The following NTM variants were observed in gnomAD, a reference collection of about 807,000 sequenced individuals.
The protein encoded by NTM is IgLON family member 2.
In NTM, 13 loss-of-function variants were observed where a neutral mutation model predicts 42.1. That is an observed-to-expected ratio of 0.31 (90% CI 0.20 to 0.49). The LOEUF (loss-of-function observed/expected upper bound fraction) is 0.49, where lower values mean the gene tolerates loss of function less well. Ranked by LOEUF, NTM falls within the 20% of genes least tolerant of loss-of-function variation. The pLI, the probability that NTM is intolerant of heterozygous loss-of-function variation, is 0.99. For synonymous variants in NTM, 187 were observed against 179.2 expected, an observed-to-expected ratio of 1.04 and a Z score of -0.35; for missense variants, 373 against 452.8, an observed-to-expected ratio of 0.82 and a Z score of 1.60.
intron 1 of NTM, among the ~76,000 whole-genome samples, chr11:131,583,360 A>T (rs149763785): frequency 6.6e-6 from 1 of 152,356 alleles, no homozygotes; most frequent in East Asian, 1.9e-4. Context: ...CTCTTGTGGC[A>T]AATAGATATT....
At chr11:132,303,756 T>C (rs1591859407) in intron 4 of NTM, among the ~76,000 whole-genome samples, 1 of 150,854 alleles carries the variant, frequency 6.6e-6, no homozygotes, top group Admixed American at 6.6e-5. Flanking sequence ...CAAATCATCA[T>C]GTTGGTCCAG....
intron 4 of NTM, among the ~76,000 whole-genome samples, chr11:132,249,810 G>GT (rs2091717507): frequency 6.6e-6 from 1 of 152,132 alleles, no homozygotes; most frequent in Admixed American, 6.5e-5. Flanking sequence ...TTTAATCAAT[G>GT]TTTTTACCTT....
chr11:131,577,561 G>A (rs550983693), intron 1 of NTM, among the ~76,000 whole-genome samples: 2 of 152,276 alleles, frequency 1.3e-5, no homozygotes, highest in East Asian at 1.9e-4. Flanking sequence ...ACTTTTTCAA[G>A]AAGGATCTAA....
chr11:132,124,899 G>A (rs2065421887), intron 2 of NTM, among the ~76,000 whole-genome samples: 1 of 152,170 alleles, frequency 6.6e-6, no homozygotes. Flanking sequence ...TGTAGCTAGC[G>A]CCAGTTGTCT....
chr11:132,012,594 G>A lies in NTM; in HGVS notation c.167+100946G>A, dbSNP rs137964227. 3.7e-3 allele frequency among the ~76,000 whole-genome samples: 564 copies of A among 152,208 alleles called. 4 individuals are homozygous for A. Among genetic ancestry groups the A allele is most frequent in the South Asian group, 0.023 (113 of 4,812 alleles). On this transcript the variant is annotated intron_variant, in intron 2 of 8. Transcript: ENST00000683400. Reference sequence around the variant, plus strand: ...TAAGGGATTCCTTAATTGTTAAAGCGCATACAGGACCTTATTTGCCAAAAA... The same window carrying A: ...TAAGGGATTCCTTAATTGTTAAAGCACATACAGGACCTTATTTGCCAAAAA...
intron 2 of NTM, among the ~76,000 whole-genome samples, chr11:132,122,940 G>T (rs1038642501): frequency 1.3e-5 from 2 of 152,072 alleles, no homozygotes; most frequent in Non-Finnish European, 2.9e-5. Flanking sequence ...GAAACAAAAA[G>T]AGCAAGGGAG....
At chr11:132,310,421 C>T (rs2095246002) in intron 6 of NTM, among the ~76,000 whole-genome samples, 189 bp downstream of exon 6, 1 of 152,108 alleles carries the variant, frequency 6.6e-6, no homozygotes, top group Non-Finnish European at 1.5e-5. Flanking sequence ...TTTAATGTCA[C>T]CATGTAGAAT....
intron 1 of NTM, among the ~76,000 whole-genome samples, chr11:131,674,799 A>G (rs2071072626): frequency 6.6e-6 from 1 of 152,170 alleles, no homozygotes; most frequent in Admixed American, 6.5e-5. Flanking sequence ...CGCGGGATAT[A>G]GGTTATCAGG....
rs1188458436 is a variant in NTM at position 132,322,710 on chromosome 11, A to G, written c.935-7443A>G. The stretch of plus-strand genomic sequence containing the variant: ...GACATCTACAGAACTCTCCACCCCA[A>G]ATCAACAGAATATACATTCTTTTCA... On this transcript the variant is annotated intron_variant, in intron 7 of 8. Transcript: ENST00000683400. Among the ~76,000 whole-genome samples the G allele has an allele frequency of 2.2e-5, 3 of 136,864 alleles. No homozygotes were observed. The East Asian group carries it at 6.3e-4, about 29-fold the overall frequency. 89.8% of individuals were successfully genotyped at this position (136,864 alleles called of 152,430 possible). A position where few individuals can be genotyped will look rare whatever the true frequency, so the allele number is the denominator to read the frequency against.
chr11:132,120,637 C>G (rs1407574056), intron 2 of NTM, among the ~76,000 whole-genome samples: 1 of 152,212 alleles, frequency 6.6e-6, no homozygotes, highest in East Asian at 1.9e-4. Context: ...TCCTTTCTTT[C>G]TTCATCTGGT....
At chr11:131,651,747 AG>A (rs1360692549) in intron 1 of NTM, among the ~76,000 whole-genome samples, 1 of 152,148 alleles carries the variant, frequency 6.6e-6, no homozygotes, top group Non-Finnish European at 1.5e-5. Flanking sequence ...AGGCTGAGGC[AG>A]GAGAATCGCT....
chr11:132,254,735 A>G (rs2092324361), intron 4 of NTM, among the ~76,000 whole-genome samples: 1 of 152,158 alleles, frequency 6.6e-6, no homozygotes, highest in Non-Finnish European at 1.5e-5. Context: ...AAAGGAAATC[A>G]GTGTCTCCTC....
At chr11:131,461,548 G>A (rs964968933) in intron 1 of NTM, among the ~76,000 whole-genome samples, 3 of 152,142 alleles carry the variant, frequency 2.0e-5, no homozygotes, top group African/African-American at 7.2e-5. Flanking sequence ...GTAGCGGGGT[G>A]GAGGAAATGG....
intron 1 of NTM, chr11:131,502,614 T>G (rs1196217647): frequency 6.6e-6 from 1 of 152,288 alleles, no homozygotes; most frequent in Admixed American, 6.5e-5. Flanking sequence ...TCTGGCATCC[T>G]GACCCACACC....
rs534096912 is a variant in NTM, at chr11:131,595,996, C to T, written c.82+225108C>T. On this transcript the variant is annotated intron_variant, in intron 1 of 8. Transcript: ENST00000683400. ...AGCTAGGTCCTATTGCAGTCACCATCTGCATGGCAGGCTGGAAGAATGCCC... is the reference window on the plus strand; with the variant it reads ...AGCTAGGTCCTATTGCAGTCACCATTTGCATGGCAGGCTGGAAGAATGCCC... Among the ~76,000 whole-genome samples the T allele has an allele frequency of 2.0e-5, 3 of 152,366 alleles. No individual in the cohort carries two copies. The South Asian group carries it at 6.2e-4, about 32-fold the overall frequency.
At chr11:131,464,653 C>A (rs75235909) in intron 1 of NTM, among the ~76,000 whole-genome samples, 1,595 of 152,294 alleles carry the variant, frequency 0.01, 27 homozygotes, top group African/African-American at 0.036. Context: ...GCTCACAAAT[C>A]AGAGATGTCT....
intron 1 of NTM, among the ~76,000 whole-genome samples, chr11:131,566,613 T>C (rs1281391013): frequency 6.6e-6 from 1 of 152,180 alleles, no homozygotes; most frequent in African/African-American, 2.4e-5. Flanking sequence ...ACTCCTGAAA[T>C]GCAAGGACAG....
chr11:132,055,963 G>C (rs1258785801), intron 2 of NTM, among the ~76,000 whole-genome samples: 1 of 152,230 alleles, frequency 6.6e-6, no homozygotes, highest in Non-Finnish European at 1.5e-5. Flanking sequence ...CCTCACTGTA[G>C]TTCTACGTTA....
At chr11:131,971,478 A>T (rs377459547) in intron 2 of NTM, among the ~76,000 whole-genome samples, 2 of 152,148 alleles carry the variant, frequency 1.3e-5, no homozygotes, top group South Asian at 2.1e-4. Flanking sequence ...TCAGTTGCAG[A>T]TATTGAAGAT....
Sources: gnomAD v4.1 joint callset for allele counts (sites outside exome capture counted in the v4.1 genomes callset) on GRCh38, gnomAD v4.1.1 for gene constraint, MANE v1.5 for transcripts, NCBI Gene and HGNC (gene_info 2026-07-23, HGNC 2026-07-21) for gene names.